The following ANKMY1 variants were observed in gnomAD, a reference collection of about 807,000 sequenced individuals.
The protein encoded by ANKMY1 is ankyrin repeat and MYND domain containing 1, also known as ankyrin repeat and MYND domain-containing protein 1.
Under a neutral mutation model 102.0 loss-of-function variants are expected in ANKMY1, and 98 were observed. That is an observed-to-expected ratio of 0.96 (90% CI 0.82 to 1.14). ANKMY1 has a LOEUF of 1.14. ANKMY1 is among the 50% of genes most tolerant of loss of function. ANKMY1 has a pLI of 0.00. For missense variants in ANKMY1, 1,330 were observed against 1,347.6 expected, an observed-to-expected ratio of 0.99 and a Z score of 0.20; for synonymous variants, 582 against 559.9, an observed-to-expected ratio of 1.04 and a Z score of -0.56.
At chr2:240,526,924 G>A (rs960440136) in intron 5 of ANKMY1, 31 of 1,078,914 alleles carry the variant, frequency 2.9e-5, no homozygotes, top group East Asian at 7.5e-5. Context: ...CTCCTGGTGT[G>A]TACACAACCC....
Position 240,529,575 on chromosome 2 carries a change from G to C in ANKMY1, c.481-66C>G. On this transcript the variant is annotated intron_variant, in intron 4 of 17. Coordinates refer to ENST00000401804, the MANE Select transcript of ANKMY1 (RefSeq NM_001282771.3). This position sits in a 1 kb window ranked among gnomAD's most constrained non-coding sequence, Gnocchi z 4.2. ...CCCAGCTGCACATGTGATCATGTTT[G>C]TAACGTCAAAAGAAATCCCAAAAAA... 7.1e-7 allele frequency: 1 copy of C among 1,412,738 alleles called. No homozygotes were observed. The highest frequency in any genetic ancestry group is 9.5e-7 in the Non-Finnish European group (1 of 1,054,548). The allele number at this position is 1,412,738 out of a possible 1,614,324, so 87.5% of individuals were successfully genotyped here.
At chr2:240,554,711 C>G (rs1005180966) in intron 3 of ANKMY1, 155 bp downstream of exon 3, 6 of 868,856 alleles carry the variant, frequency 6.9e-6, no homozygotes, top group African/African-American at 1.7e-5. Context: ...GGGAAAGATG[C>G]TTTTCTCTGG....
chr2:240,560,260 G>A (rs1009500100), upstream of ANKMY1: 1 of 160,076 alleles, frequency 6.2e-6, no homozygotes, highest in African/African-American at 2.4e-5. Context: ...CGGGGCCCTA[G>A]CCGAACGACG....
chr2:240,541,452 C>T (rs2088769765), intron 4 of ANKMY1, among the ~76,000 whole-genome samples: 1 of 150,628 alleles, frequency 6.6e-6, no homozygotes, highest in Non-Finnish European at 1.5e-5. Context: ...TCAGAGTTTG[C>T]TGTTCAATGG....
chr2:240,504,352 C>A (rs945385797), intron 13 of ANKMY1, among the ~76,000 whole-genome samples: 1 of 152,146 alleles, frequency 6.6e-6, no homozygotes, highest in African/African-American at 2.4e-5. Context: ...GAAAAGTATT[C>A]GTGAAAGGTC....
At position 240,523,787 on chromosome 2, in the gene ANKMY1, G is replaced by A. The variant is rs994347169; in HGVS notation, c.1832+98C>T. The A allele has an allele frequency of 3.7e-5, 55 of 1,488,598 alleles. No homozygotes were observed. In the African/African-American group the frequency reaches 4.3e-4, roughly 12 times the overall value. 92.2% of individuals were successfully genotyped at this position (1,488,598 alleles called of 1,614,324 possible). A position where few individuals can be genotyped will look rare whatever the true frequency, so the allele number is the denominator to read the frequency against. Reference sequence around the variant, plus strand: ...TCAGACACACATCTCCAGACACAACGCCTCCCACTGGCACAGGGAAGAGAC... The same window carrying A: ...TCAGACACACATCTCCAGACACAACACCTCCCACTGGCACAGGGAAGAGAC... On this transcript the variant is annotated intron_variant, in intron 8 of 17. Coordinates refer to ENST00000401804, the MANE Select transcript of ANKMY1 (RefSeq NM_001282771.3).
chr2:240,488,142 T>G (rs2076265392), intron 15 of ANKMY1, among the ~76,000 whole-genome samples: 1 of 152,208 alleles, frequency 6.6e-6, no homozygotes, highest in Admixed American at 6.5e-5. Flanking sequence ...AGAGTCTATT[T>G]TTATATATGG....
chr2:240,521,888 C>CCTTCACTGGCAAGTGTTAACATCT (rs2082356086), intron 8 of ANKMY1: 1 of 152,174 alleles, frequency 6.6e-6, no homozygotes, highest in Non-Finnish European at 1.5e-5. Context: ...AAGCTGTGGA[C>CCTTCACTGGCAAGTGTTAACATCT]CTTCACTGGC....
rs770522265 is a variant in ANKMY1, at chr2:240,524,070, A to T, written c.1647T>A (p.Ser549Arg). ...CAAATTTCGTCTCAGCACTGCACAG[A>T]CTGCCCCGGTCTGTGTTTCCCAACA... ...EDVLGNTDRG[S>R]LCSAETKFES... The change falls in exon 8 of 18, where the codon AGT becomes AGA. Residue 549 changes from serine (S) to arginine (R), a missense_variant. By Grantham distance (110) the Ser-to-Arg change is moderately radical. Coordinates refer to ENST00000401804, the MANE Select transcript of ANKMY1 (RefSeq NM_001282771.3). 2 of 1,614,072 alleles carry T rather than the reference A, an allele frequency of 1.2e-6. No individual in the cohort carries two copies. Among genetic ancestry groups the T allele is most frequent in the Non-Finnish European group, 1.7e-6 (2 of 1,180,046 alleles).
chr2:240,561,017 C>G, upstream of ANKMY1: 3 of 1,534,468 alleles, frequency 2.0e-6, no homozygotes, highest in Non-Finnish European at 2.6e-6. Context: ...GCCGCTCGGC[C>G]GCCGTCTGCA....
Position 240,529,833 on chromosome 2 carries a change from A to T in ANKMY1, c.481-324T>A, listed in dbSNP as rs1255751770. Among the ~76,000 whole-genome samples the T allele has an allele frequency of 2.0e-5, 3 of 152,078 alleles. No individual in the cohort carries two copies. Among genetic ancestry groups the T allele is most frequent in the African/African-American group, 7.2e-5 (3 of 41,406 alleles). ...TGTCAGAGGTACCAGGTCTGGGTTCAATTAGGGAACCCAGCCCAAACACCC... is the reference window on the plus strand; with the variant it reads ...TGTCAGAGGTACCAGGTCTGGGTTCTATTAGGGAACCCAGCCCAAACACCC... On this transcript the variant is annotated intron_variant, in intron 4 of 17. Transcript: ENST00000401804. This position sits in a 1 kb window ranked among gnomAD's most constrained non-coding sequence, Gnocchi z 4.2.
At chr2:240,501,109 GAT>G (rs757129713) in intron 13 of ANKMY1, among the ~76,000 whole-genome samples, 54 of 151,874 alleles carry the variant, frequency 3.6e-4, no homozygotes, top group Non-Finnish European at 5.4e-4. Context: ...TGGGTGTGTG[GAT>G]ATGTGTGTGT....
chr2:240,474,647 C>G (rs1403743897), downstream of ANKMY1, among the ~76,000 whole-genome samples: 9 of 152,178 alleles, frequency 5.9e-5, no homozygotes, highest in African/African-American at 2.2e-4. Flanking sequence ...TTAGATCCTA[C>G]TTAATATAAG....
intron 13 of ANKMY1, among the ~76,000 whole-genome samples, 189 bp downstream of exon 13, chr2:240,507,371 C>G (rs1181506569): frequency 4.7e-5 from 7 of 148,948 alleles, no homozygotes; most frequent in South Asian, 4.3e-4. Flanking sequence ...TCCCGCCCCC[C>G]CTCACCAGGG....
At chr2:240,533,348 T>C (rs901994400) in intron 4 of ANKMY1, among the ~76,000 whole-genome samples, 61 of 152,308 alleles carry the variant, frequency 4.0e-4, no homozygotes, top group Non-Finnish European at 6.9e-4. Context: ...AGTATATTAC[T>C]ATGAGATGTA....
chr2:240,477,422 A>G (rs2074929375), downstream of ANKMY1, among the ~76,000 whole-genome samples: 1 of 152,258 alleles, frequency 6.6e-6, no homozygotes, highest in African/African-American at 2.4e-5. Context: ...ATTAGTTGTT[A>G]GCATCTTTCT....
intron 4 of ANKMY1, among the ~76,000 whole-genome samples, chr2:240,533,372 C>A (rs2085910034): frequency 1.3e-5 from 2 of 151,970 alleles, no homozygotes; most frequent in Non-Finnish European, 2.9e-5. Flanking sequence ...GGTCTAAAAT[C>A]AGAGTTGTAC....
intron 15 of ANKMY1, among the ~76,000 whole-genome samples, chr2:240,486,763 C>G (rs970953044): frequency 1.2e-4 from 18 of 152,196 alleles, no homozygotes; most frequent in African/African-American, 3.9e-4. Context: ...ATCCTTCTGC[C>G]TCAGTCTCCC....
At position 240,554,502 on chromosome 2, in the gene ANKMY1, T is replaced by C. The variant is rs116162779; in HGVS notation, c.336+364A>G. On this transcript the variant is annotated intron_variant, in intron 3 of 17. Transcript: ENST00000401804. ...TAGCCTGGGGGTGCAAAACTTGTTC[T>C]CATTTTGTCTTTTAGAACATTCGCT... 1.8e-3 allele frequency: 339 copies of C among 183,632 alleles called. 2 individuals are homozygous for C. The highest frequency in any genetic ancestry group is 7.4e-3 in the African/African-American group (318 of 42,832). 11.4% of individuals were successfully genotyped at this position (183,632 alleles called of 1,614,324 possible). A position where few individuals can be genotyped will look rare whatever the true frequency, so the allele number is the denominator to read the frequency against.
Sources: gnomAD v4.1 joint callset for allele counts (sites outside exome capture counted in the v4.1 genomes callset) on GRCh38, gnomAD v4.1.1 for gene constraint, Gnocchi (gnomAD v3.1) non-coding constraint, MANE v1.5 for transcripts, NCBI Gene and HGNC (gene_info 2026-07-23, HGNC 2026-07-21) for gene names.